RNPC3: variants seen among roughly 807,000 people sequenced by gnomAD.
The protein encoded by RNPC3 is RNA-binding region-containing protein 3.
Under a neutral mutation model 67.5 loss-of-function variants are expected in RNPC3, and 48 were observed. The observed-to-expected ratio is 0.71, with a 90% CI of 0.56 to 0.90. The LOEUF is 0.90. Among genes scored for constraint, RNPC3 ranks in the 40% least tolerant of loss-of-function variants. The pLI, the probability that RNPC3 is intolerant of heterozygous loss-of-function variation, is 0.00. For missense variants in RNPC3, 637 were observed against 626.1 expected, an observed-to-expected ratio of 1.02 and a Z score of -0.19; for synonymous variants, 239 against 210.3, an observed-to-expected ratio of 1.14 and a Z score of -1.18.
intron 12 of RNPC3, 30 bp from the exon 13 acceptor site, chr1:103,550,911 C>G (rs544293998): frequency 1.2e-6 from 2 of 1,603,456 alleles, no homozygotes; most frequent in South Asian, 1.1e-5. Flanking sequence ...AACTGACATT[C>G]TTTGAATCAA....
chr1:103,543,416 A>T lies in RNPC3; in HGVS notation c.1014A>T (p.Glu338Asp), dbSNP rs1557759515. ...DMPAAFKKDL[E>D]KEQNCEEKNH... ...CAGCTGCATTTAAGAAAGATTTAGA[A>T]AAGGAACAAAATTGTGAGGAAAAAA... The change falls in exon 9 of 15, where the codon GAA becomes GAT. Residue 338 changes from glutamate (E) to aspartate (D), a missense_variant. Transcript: ENST00000423855. The T allele has an allele frequency of 6.6e-7, 1 of 1,515,510 alleles. No individual in the cohort carries two copies. 93.9% of individuals were successfully genotyped at this position (1,515,510 alleles called of 1,614,324 possible). A position where few individuals can be genotyped will look rare whatever the true frequency, so the allele number is the denominator to read the frequency against.
intron 12 of RNPC3, among the ~76,000 whole-genome samples, chr1:103,550,093 G>A (rs1202155046): frequency 1.3e-5 from 2 of 151,934 alleles, no homozygotes; most frequent in Admixed American, 1.3e-4. Flanking sequence ...AAACCCAGGA[G>A]GTGGAGGTTG....
In RNPC3 at chr1:103,526,224, G is replaced by T. The variant is rs1650703014; in HGVS notation, c.154G>T (p.Ala52Ser). 2 of 1,551,236 alleles carry T rather than the reference G, an allele frequency of 1.3e-6. No homozygotes were observed. The highest frequency in any genetic ancestry group is 1.7e-6 in the Non-Finnish European group (2 of 1,146,810). Residue 52 changes from alanine to serine, a missense_variant, in exon 1 of 15, where the codon GCT (alanine) becomes TCT (serine). Physicochemically the swap from Ala to Ser is moderately conservative, Grantham distance 99. Around this residue, in one of 3 missense-constraint regions of RNPC3, gnomAD observed 536 missense variants for 500.3 expected, o/e 1.07. Transcript: ENST00000423855. ...AGAGGACTTGCTGAAGTACTTCGGG[G>T]CTCAGTCTGTGCGGGTCCTGTCAGA... ...EKEDLLKYFG[A>S]QSVRVLSDKG...
At position 103,536,157 on chromosome 1, in the gene RNPC3, C is replaced by T; in HGVS notation, c.587C>T (p.Pro196Leu). 1 of 1,535,936 alleles carries T rather than the reference C, an allele frequency of 6.5e-7. No homozygotes were observed. Among genetic ancestry groups the T allele is most frequent in the Non-Finnish European group, 8.7e-7 (1 of 1,146,034 alleles). ...CATCTTATGAATAAAATGAATTTGC[C>T]CACACCTTTTGGACCAATTACTGCG... Reference protein sequence around the residue: ...VLHLMNKMNLPTPFGPITARP... With the variant: ...VLHLMNKMNLLTPFGPITARP... Residue 196 changes from proline to leucine, a missense_variant, in exon 6 of 15, where the codon CCC (proline) becomes CTC (leucine). Transcript: ENST00000423855.
At chr1:103,547,098 C>G in intron 12 of RNPC3, 63 bp downstream of exon 12, 1 of 868,890 alleles carries the variant, frequency 1.2e-6, no homozygotes, top group Non-Finnish European at 1.7e-6. Flanking sequence ...AAATTTACCA[C>G]TATTTTAATC....
Position 103,535,455 on chromosome 1 carries a change from A to T in RNPC3, c.555+14A>T. ...TTCTATGTACAGGTAAGTAGAATAA[A>T]ACTTTTCCTAAAAGGACTTGTTGTA... On this transcript the variant is annotated intron_variant, in intron 5 of 14. Transcript: ENST00000423855. 6.8e-7 allele frequency: 1 copy of T among 1,476,470 alleles called. No homozygotes were observed. Among genetic ancestry groups the T allele is most frequent in the Non-Finnish European group, 9.1e-7 (1 of 1,095,098 alleles). 91.5% of individuals were successfully genotyped at this position (1,476,470 alleles called of 1,614,324 possible). A position where few individuals can be genotyped will look rare whatever the true frequency, so the allele number is the denominator to read the frequency against.
chr1:103,554,404 A>G (rs1396352130), intron 14 of RNPC3: 1 of 152,262 alleles, frequency 6.6e-6, no homozygotes, highest in Admixed American at 6.6e-5. Context: ...CTTTGGTCAG[A>G]ATTTTGATTT....
At chr1:103,548,680 C>T (rs1412348289) in intron 12 of RNPC3, among the ~76,000 whole-genome samples, 3 of 151,326 alleles carry the variant, frequency 2.0e-5, no homozygotes, top group South Asian at 4.1e-4. Context: ...ACTGTTCCAA[C>T]GTCTGCCTGT....
At chr1:103,541,036 G>A (rs148830371) in intron 7 of RNPC3, among the ~76,000 whole-genome samples, 3,416 of 152,170 alleles carry the variant, frequency 0.022, 59 homozygotes, top group Middle Eastern at 0.041. Context: ...TCAGCCGTTT[G>A]GCATGAAGTC....
chr1:103,526,544 C>G (rs1419154724), intron 1 of RNPC3, among the ~76,000 whole-genome samples: 1 of 152,166 alleles, frequency 6.6e-6, no homozygotes, highest in South Asian at 2.1e-4. Context: ...CGGATCCATC[C>G]TGAGAGCCTC....
intron 5 of RNPC3, among the ~76,000 whole-genome samples, chr1:103,535,730 C>T (rs1407637497): frequency 6.6e-6 from 1 of 151,682 alleles, no homozygotes; most frequent in East Asian, 1.9e-4. Context: ...TATAGTAGAC[C>T]CCTGAGCAAA....
intron 14 of RNPC3, chr1:103,554,329 G>A (rs1651478912): frequency 6.6e-6 from 1 of 152,172 alleles, no homozygotes; most frequent in Non-Finnish European, 1.5e-5. Flanking sequence ...ATTCTAGCCT[G>A]GGTGACAGAG....
intron 8 of RNPC3, among the ~76,000 whole-genome samples, chr1:103,542,339 A>G (rs1212143773): frequency 6.6e-6 from 1 of 151,956 alleles, no homozygotes; most frequent in East Asian, 1.9e-4. Flanking sequence ...AATAAAAGGA[A>G]AGTTTCCAGA....
Position 103,543,448 on chromosome 1 carries a change from G to A in RNPC3, c.1045+1G>A. The stretch of plus-strand genomic sequence containing the variant: ...CAAAATTGTGAGGAAAAAAATCATG[G>A]TAAGGATATTCTAGTTATTTCACAT... On this transcript the variant is annotated splice_donor_variant, in intron 9 of 14. Coordinates refer to ENST00000423855, the MANE Select transcript of RNPC3 (RefSeq NM_017619.4). LOFTEE classifies it high-confidence loss of function. 3 of 1,495,600 alleles carry A rather than the reference G, an allele frequency of 2.0e-6. No homozygotes were observed. The highest frequency in any genetic ancestry group is 2.7e-6 in the Non-Finnish European group (3 of 1,127,722). The allele number at this position is 1,495,600 out of a possible 1,614,324, so 92.6% of individuals were successfully genotyped here. A position where few individuals can be genotyped will look rare whatever the true frequency, so the allele number is the denominator to read the frequency against.
At position 103,550,992 on chromosome 1, in the gene RNPC3, T is replaced by C. The variant is rs1158136877; in HGVS notation, c.1413T>C (p.Ile471=). The C allele has an allele frequency of 1.2e-6, 2 of 1,611,776 alleles. No individual in the cohort carries two copies. The highest frequency in any genetic ancestry group is 4.5e-5 in the East Asian group (2 of 44,804). Residue 471 remains isoleucine (I), a synonymous_variant, in exon 13 of 15, where the codon ATT becomes ATC. Transcript: ENST00000423855. ...GTCGTATGAAAGGACAAGCTTTCAT[T>C]GGACTTCCTAATGAAAAAGCAGCAG... The part of the protein sequence containing the change: ...KEGRMKGQAF[I]GLPNEKAAAK...
At chr1:103,529,612 GAGA>G (rs1650794825) in intron 2 of RNPC3, among the ~76,000 whole-genome samples, 1 of 152,134 alleles carries the variant, frequency 6.6e-6, no homozygotes, top group African/African-American at 2.4e-5. Context: ...ATACCCATTT[GAGA>G]AGAAGAAAGT....
chr1:103,540,460 C>T (rs970983953), intron 7 of RNPC3, among the ~76,000 whole-genome samples: 1 of 152,100 alleles, frequency 6.6e-6, no homozygotes, highest in Non-Finnish European at 1.5e-5. Flanking sequence ...CTTGTAGAGG[C>T]TTGGTGTACT....
intron 1 of RNPC3, among the ~76,000 whole-genome samples, chr1:103,527,426 T>G (rs771411789): frequency 6.6e-6 from 1 of 152,014 alleles, no homozygotes; most frequent in African/African-American, 2.4e-5. Context: ...GTAGAACAGG[T>G]CTTTAAACTT....
chr1:103,534,279 T>C (rs1178919206), intron 3 of RNPC3, among the ~76,000 whole-genome samples: 1 of 151,978 alleles, frequency 6.6e-6, no homozygotes, highest in East Asian at 1.9e-4. Context: ...CTAGATCAGC[T>C]GTATCATCTG....
Sources: allele counts gnomAD v4.1 joint callset (sites outside exome capture counted in the v4.1 genomes callset), GRCh38; gene constraint gnomAD v4.1.1; regional missense constraint gnomAD v4.1.1; transcripts MANE v1.5; gene names NCBI Gene and HGNC (gene_info 2026-07-23, HGNC 2026-07-21).